Variants in DLG2 observed in about 807,000 individuals in gnomAD.
DLG2 encodes disks large homolog 2.
In DLG2, 45 loss-of-function variants were observed where a neutral mutation model predicts 132.5. The observed-to-expected ratio is 0.34, with a 90% CI of 0.27 to 0.44. DLG2 has a LOEUF of 0.44. Ranked by LOEUF, DLG2 falls within the 20% of genes least tolerant of loss-of-function variation. The pLI is 1.00. For synonymous variants in DLG2, 424 were observed against 419.6 expected (o/e 1.01, Z -0.13); for missense variants, 1,045 against 1,196.9 (o/e 0.87, Z 1.87).
At chr11:84,536,626 C>T (rs1392105394) in intron 6 of DLG2, among the ~76,000 whole-genome samples, 1 of 152,144 alleles carries the variant, frequency 6.6e-6, no homozygotes, top group African/African-American at 2.4e-5. Flanking sequence ...GTTTCTCTGG[C>T]TTTCAACCCA....
At chr11:84,605,317 T>C (rs1449383545) in intron 6 of DLG2, among the ~76,000 whole-genome samples, 1 of 151,958 alleles carries the variant, frequency 6.6e-6, no homozygotes, top group African/African-American at 2.4e-5. Context: ...GGTATGCACA[T>C]ATTAAATACT....
At chr11:85,323,243 T>C (rs1173386992) in intron 3 of DLG2, among the ~76,000 whole-genome samples, 1 of 152,210 alleles carries the variant, frequency 6.6e-6, no homozygotes, top group Admixed American at 6.5e-5. Context: ...TCCTAAAATA[T>C]TGTCAGCTGA....
At chr11:83,896,721 G>A (rs1049436691) in intron 15 of DLG2, among the ~76,000 whole-genome samples, 1 of 152,126 alleles carries the variant, frequency 6.6e-6, no homozygotes, top group Non-Finnish European at 1.5e-5. Flanking sequence ...TGGGCATGAG[G>A]GATTTACTGG....
chr11:85,062,372 C>T (rs1396016493), intron 6 of DLG2, among the ~76,000 whole-genome samples: 1 of 151,676 alleles, frequency 6.6e-6, no homozygotes, highest in Non-Finnish European at 1.5e-5. Context: ...AATAGATAGA[C>T]TTTAAACACT....
intron 3 of DLG2, among the ~76,000 whole-genome samples, chr11:85,332,080 C>T (rs2081796527): frequency 6.6e-6 from 1 of 152,136 alleles, no homozygotes; most frequent in South Asian, 2.1e-4. Context: ...ATACTCACAC[C>T]AACAATCTAT....
intron 7 of DLG2, among the ~76,000 whole-genome samples, chr11:84,350,203 T>G (rs1429477981): frequency 9.5e-6 from 1 of 105,050 alleles, no homozygotes; most frequent in Non-Finnish European, 2.0e-5. Flanking sequence ...AAAAAAAAAA[T>G]CCAGGCTAAA....
chr11:83,790,084 G>C, intron 17 of DLG2: 1 of 1,059,962 alleles, frequency 9.4e-7, no homozygotes, highest in Non-Finnish European at 1.4e-6. Flanking sequence ...ACTGCAACGA[G>C]TGTACCTGCA....
At chr11:85,082,243 A>T (rs1444140200) in intron 6 of DLG2, among the ~76,000 whole-genome samples, 1 of 152,198 alleles carries the variant, frequency 6.6e-6, no homozygotes, top group African/African-American at 2.4e-5. Context: ...CTGGAGGAAA[A>T]TACTGCTTTT....
chr11:83,668,715 GTGTATATAAACACATATA>G (rs2076206843), intron 18 of DLG2, among the ~76,000 whole-genome samples: 3 of 98,820 alleles, frequency 3.0e-5, no homozygotes, highest in African/African-American at 1.4e-4. Flanking sequence ...ACATATATAT[GTGTATATAAACACATATA>G]TATGTGTATA....
At chr11:84,001,095 A>T (rs2094322331) in intron 11 of DLG2, among the ~76,000 whole-genome samples, 1 of 152,124 alleles carries the variant, frequency 6.6e-6, no homozygotes, top group South Asian at 2.1e-4. Context: ...TCATATATTA[A>T]TATTAACCTT....
intron 11 of DLG2, among the ~76,000 whole-genome samples, chr11:84,002,927 C>G (rs1321347098): frequency 6.6e-6 from 1 of 152,132 alleles, no homozygotes; most frequent in African/African-American, 2.4e-5. Context: ...CCCTTATAAA[C>G]TTAAGTTCCA....
chr11:84,679,947 T>C (rs1397762608), intron 6 of DLG2, among the ~76,000 whole-genome samples: 1 of 152,118 alleles, frequency 6.6e-6, no homozygotes, highest in Non-Finnish European at 1.5e-5. Flanking sequence ...TTCTGTATTA[T>C]TGGAGCTTAC....
intron 3 of DLG2, among the ~76,000 whole-genome samples, chr11:85,368,173 A>G (rs1340507859): frequency 6.6e-6 from 1 of 152,176 alleles, no homozygotes. Flanking sequence ...CAAGGTTATG[A>G]GTCTATTCAT....
At chr11:85,417,120 A>G in intron 3 of DLG2, among the ~76,000 whole-genome samples, 1 of 152,126 alleles carries the variant, frequency 6.6e-6, no homozygotes, top group Non-Finnish European at 1.5e-5. Context: ...ATGTTCCATC[A>G]ATACCCTTGT....
intron 9 of DLG2, among the ~76,000 whole-genome samples, chr11:84,138,361 T>C (rs1307860743): frequency 2.6e-5 from 4 of 152,190 alleles, no homozygotes; most frequent in Non-Finnish European, 5.9e-5. Flanking sequence ...CAGAGCAGTA[T>C]GCTGCATTTC....
chr11:83,740,308 A>ATACT (rs1433187727), intron 18 of DLG2, among the ~76,000 whole-genome samples: 8 of 152,184 alleles, frequency 5.3e-5, no homozygotes, highest in Admixed American at 3.9e-4. Context: ...ATACACTGGA[A>ATACT]TACTATACAA....
intron 6 of DLG2, among the ~76,000 whole-genome samples, chr11:84,548,099 C>A (rs1438257680): frequency 1.3e-5 from 2 of 152,088 alleles, no homozygotes; most frequent in Non-Finnish European, 2.9e-5. Flanking sequence ...TTGGGTATGA[C>A]ATCCCTGACA....
At chr11:85,545,778 GA>G (rs1483180429) in intron 3 of DLG2, among the ~76,000 whole-genome samples, 1 of 152,202 alleles carries the variant, frequency 6.6e-6, no homozygotes, top group Non-Finnish European at 1.5e-5. Flanking sequence ...CATTTGCATA[GA>G]GGTGTTTATA....
intron 6 of DLG2, among the ~76,000 whole-genome samples, chr11:84,905,346 T>C (rs1591011454): frequency 6.6e-6 from 1 of 152,166 alleles, no homozygotes; most frequent in Non-Finnish European, 1.5e-5. Context: ...AAATCTAATA[T>C]CCGAATGAAG....
Sources: allele counts gnomAD v4.1 joint callset (sites outside exome capture counted in the v4.1 genomes callset), GRCh38; gene constraint gnomAD v4.1.1; transcripts MANE v1.5; gene names NCBI Gene and HGNC (gene_info 2026-07-23, HGNC 2026-07-21).